Variants in PTPN14 observed in about 807,000 individuals in gnomAD.
The protein encoded by PTPN14 is protein tyrosine phosphatase non-receptor type 14.
PTPN14 carries 53 observed loss-of-function variants against 126.8 expected under a neutral mutation model. The observed-to-expected ratio is 0.42, with a 90% CI of 0.34 to 0.53. The LOEUF is 0.53. Among genes scored for constraint, PTPN14 ranks in the 20% least tolerant of loss-of-function variants. The pLI is 0.08. For synonymous variants in PTPN14, 630 were observed against 599.3 expected, an observed-to-expected ratio of 1.05 and a Z score of -0.75; for missense variants, 1,257 against 1,552.9, an observed-to-expected ratio of 0.81 and a Z score of 3.20.
intron 3 of PTPN14, among the ~76,000 whole-genome samples, chr1:214,450,133 A>AAATAAATAAAT (rs1660240069): frequency 7.1e-6 from 1 of 140,452 alleles, no homozygotes; most frequent in African/African-American, 2.7e-5. Context: ...ACTCTATCTC[A>AAATAAATAAAT]AAATAAATAA....
chr1:214,397,810 T>C (rs1658921362), intron 8 of PTPN14, 103 bp downstream of exon 8: 1 of 916,980 alleles, frequency 1.1e-6, no homozygotes, highest in East Asian at 2.7e-5. Flanking sequence ...AGTCAAATCT[T>C]ATCCACAGTT....
intron 13 of PTPN14, among the ~76,000 whole-genome samples, chr1:214,378,413 T>G (rs1232024028): frequency 6.6e-6 from 1 of 152,170 alleles, no homozygotes; most frequent in African/African-American, 2.4e-5. Flanking sequence ...ATAGGGTACA[T>G]GCGATACACT....
At position 214,410,562 on chromosome 1, in the gene PTPN14, A is replaced by G. The variant is rs1659284565; in HGVS notation, c.510+1122T>C. 1.3e-5 allele frequency among the ~76,000 whole-genome samples: 2 copies of G among 152,198 alleles called. 1 individual carries two copies. The highest frequency in any genetic ancestry group is 4.1e-4 in the South Asian group (2 of 4,826). On this transcript the variant is annotated intron_variant, in intron 5 of 18. Coordinates refer to ENST00000366956, the MANE Select transcript of PTPN14 (RefSeq NM_005401.5). ...CGCCTAGGCCTCCCAAAGTGCTGAG[A>G]TTATGGGCGTGAGCCACCGCGCCTG...
At chr1:214,478,283 T>G (rs1469839718) in intron 1 of PTPN14, among the ~76,000 whole-genome samples, 1 of 152,230 alleles carries the variant, frequency 6.6e-6, no homozygotes, top group East Asian at 1.9e-4. Context: ...ATTTAGGCTA[T>G]TCTGCAGTTA....
At position 214,464,776 on chromosome 1, in the gene PTPN14, T is replaced by A. The variant is rs745738475; in HGVS notation, c.28A>T (p.Thr10Ser). 1.1e-5 allele frequency: 17 copies of A among 1,614,272 alleles called. No homozygotes were observed. The South Asian group carries it at 1.5e-4, about 15-fold the overall frequency. The change falls in exon 2 of 19, where the codon ACA becomes TCA. Residue 10 changes from threonine to serine, a missense_variant. Around this residue, in one of 3 missense-constraint regions of PTPN14, gnomAD observed 1,021 missense variants for 1,183.3 expected, o/e 0.86. Transcript: ENST00000366956. Reference sequence around the variant, plus strand: ...TTGCTCAGGACGTTGTAGCGCCGTGTCCGGCGGAGCTTCAGACCAAAAGGC... The same window carrying A: ...TTGCTCAGGACGTTGTAGCGCCGTGACCGGCGGAGCTTCAGACCAAAAGGC... Reference protein sequence around the residue: MPFGLKLRRTRRYNVLSKNC... With the variant: MPFGLKLRRSRRYNVLSKNC...
At chr1:214,440,614 C>T (rs913424571) in intron 3 of PTPN14, among the ~76,000 whole-genome samples, 3 of 152,218 alleles carry the variant, frequency 2.0e-5, no homozygotes, top group Non-Finnish European at 4.4e-5. Flanking sequence ...CAACCACCTA[C>T]AGTCTCTTAT....
chr1:214,515,895 T>C (rs1655092369), intron 1 of PTPN14, among the ~76,000 whole-genome samples: 1 of 152,242 alleles, frequency 6.6e-6, no homozygotes, highest in South Asian at 2.1e-4. Flanking sequence ...GCTATTTCAC[T>C]GACCCTGGAA....
rs144677892 is a variant in PTPN14, at chr1:214,364,610, G to A, written c.3337C>T (p.Arg1113Trp). The part of the protein sequence containing the change: ...TNSMLEGTKN[R>W]HPPIVVHCSA... ...CAGTGGACCACGATGGGCGGGTGCC[G>A]GTTCTTGGTGCCTTCCAGCATGCTG... Residue 1113 changes from arginine (R) to tryptophan (W), a missense_variant, in exon 18 of 19, where the codon CGG (arginine) becomes TGG (tryptophan). This residue lies in a region of PTPN14 where 171 missense variants were observed against 229.8 expected (regional missense o/e 0.74). Coordinates refer to ENST00000366956, the MANE Select transcript of PTPN14 (RefSeq NM_005401.5). This position sits in a 1 kb window ranked among gnomAD's most constrained non-coding sequence, Gnocchi z 4.1. 3.2e-4 allele frequency: 523 copies of A among 1,614,084 alleles called. 4 individuals are homozygous for A. Among genetic ancestry groups the A allele is most frequent in the South Asian group, 2.3e-3 (212 of 91,076 alleles).
intron 1 of PTPN14, among the ~76,000 whole-genome samples, chr1:214,497,981 C>T (rs1470668520): frequency 6.6e-6 from 1 of 152,050 alleles, no homozygotes; most frequent in Non-Finnish European, 1.5e-5. Flanking sequence ...GTACTCATAG[C>T]TGATAGGGTT....
rs571748820 is a variant in PTPN14 at position 214,464,560 on chromosome 1, C to T, written c.174+70G>A. ...CCAAAAAACAGATGGCTGGTCCCTT[C>T]GGTGAGTTCTCCTTCACATACCCAA... On this transcript the variant is annotated intron_variant, in intron 2 of 18. Transcript: ENST00000366956. The T allele has an allele frequency of 1.7e-4, 257 of 1,553,706 alleles. 1 individual carries two copies. The highest frequency in any genetic ancestry group is 1.6e-3 in the South Asian group (132 of 84,136).
At chr1:214,483,115 T>C (rs1470473831) in intron 1 of PTPN14, 1 of 1,610,960 alleles carries the variant, frequency 6.2e-7, no homozygotes, top group African/African-American at 1.3e-5. Flanking sequence ...CCACAAATAC[T>C]TGAATGACAT....
chr1:214,364,456 G>C lies in PTPN14; in HGVS notation c.3435+56C>G. The stretch of plus-strand genomic sequence containing the variant: ...AAGGGTGCAGGCAAAGGTTTGGCCA[G>C]GGTGTAGACTTGTCCCCAAGGTGGA... On this transcript the variant is annotated intron_variant, in intron 18 of 18. Transcript: ENST00000366956. This position sits in a 1 kb window ranked among gnomAD's most constrained non-coding sequence, Gnocchi z 4.1. The C allele has an allele frequency of 6.4e-7, 1 of 1,571,146 alleles. No homozygotes were observed. The highest frequency in any genetic ancestry group is 2.3e-5 in the East Asian group (1 of 44,172).
intron 1 of PTPN14, among the ~76,000 whole-genome samples, chr1:214,484,296 C>T (rs1394944282): frequency 1.3e-5 from 2 of 152,116 alleles, no homozygotes; most frequent in Non-Finnish European, 2.9e-5. Flanking sequence ...CCTAGCTCCT[C>T]AGGAAGCTGG....
chr1:214,504,898 G>C (rs757739222), intron 1 of PTPN14, among the ~76,000 whole-genome samples: 1 of 152,156 alleles, frequency 6.6e-6, no homozygotes, highest in Non-Finnish European at 1.5e-5. Flanking sequence ...TGCATAAAGA[G>C]GGTGAAGGAA....
chr1:214,434,677 T>C (rs1203454121), intron 3 of PTPN14, among the ~76,000 whole-genome samples: 2 of 152,124 alleles, frequency 1.3e-5, no homozygotes, highest in Non-Finnish European at 1.5e-5. Context: ...ATTAAAGATA[T>C]TTGAAAATTA....
chr1:214,351,016 A>C lies in PTPN14; in HGVS notation c.*6906T>G, dbSNP rs1657695151. The C allele has an allele frequency of 6.6e-6, 1 of 152,088 alleles. No individual in the cohort carries two copies. The highest frequency in any genetic ancestry group is 1.5e-5 in the Non-Finnish European group (1 of 68,008). 9.4% of individuals were successfully genotyped at this position (152,088 alleles called of 1,614,324 possible). ...GTTGCACTCATAGGGTAGGTAAAGA[A>C]AAGAAAAAGTGTACTGTTGAGAGTT... is the stretch of plus-strand genomic sequence containing the variant. On this transcript the variant is annotated 3_prime_UTR_variant, in exon 19 of 19. Coordinates refer to ENST00000366956, the MANE Select transcript of PTPN14 (RefSeq NM_005401.5).
At chr1:214,372,139 A>C (rs1658232497) in intron 16 of PTPN14, 1 of 152,772 alleles carries the variant, frequency 6.5e-6, no homozygotes, top group South Asian at 2.1e-4. Context: ...GTTTTTTATA[A>C]CATCACATAG....
intron 5 of PTPN14, among the ~76,000 whole-genome samples, chr1:214,403,491 G>A (rs1659085407): frequency 6.6e-6 from 1 of 152,152 alleles, no homozygotes; most frequent in South Asian, 2.1e-4. Flanking sequence ...CATCTCCAGA[G>A]AGCTCTGTAA....
At chr1:214,380,412 T>C (rs1463557112) in intron 13 of PTPN14, among the ~76,000 whole-genome samples, 4 of 151,906 alleles carry the variant, frequency 2.6e-5, no homozygotes, top group Non-Finnish European at 2.9e-5. Context: ...TTACCAGAGA[T>C]AAAAAAAATA....
Sources: gnomAD v4.1 joint callset for allele counts (sites outside exome capture counted in the v4.1 genomes callset) on GRCh38, gnomAD v4.1.1 for gene constraint, gnomAD v4.1.1 regional missense constraint, Gnocchi (gnomAD v3.1) non-coding constraint, MANE v1.5 for transcripts, NCBI Gene and HGNC (gene_info 2026-07-23, HGNC 2026-07-21) for gene names.